The following CTNNA1 variants were observed in gnomAD, a reference collection of about 807,000 sequenced individuals.
CTNNA1 encodes the protein catenin alpha-1.
CTNNA1 carries 37 observed loss-of-function variants against 98.4 expected under a neutral mutation model. That is an observed-to-expected ratio of 0.38 (90% CI 0.29 to 0.49). The LOEUF (loss-of-function observed/expected upper bound fraction) is 0.49. CTNNA1 is among the 20% of genes least tolerant of loss of function. The pLI is 0.95. For synonymous variants in CTNNA1, 404 were observed against 413.2 expected (o/e 0.98, Z 0.27); for missense variants, 761 against 1,147.2 (o/e 0.66, Z 4.86).
chr5:138,886,095 T>G, intron 7 of CTNNA1, 117 bp from the exon 8 acceptor site: 1 of 1,155,298 alleles, frequency 8.7e-7, no homozygotes, highest in Non-Finnish European at 1.2e-6. Flanking sequence ...TTTTCCAACT[T>G]TGAGTTTAAG....
At chr5:138,832,942 C>T (rs1039524318) in intron 7 of CTNNA1, among the ~76,000 whole-genome samples, 15 of 152,164 alleles carry the variant, frequency 9.9e-5, no homozygotes, top group Non-Finnish European at 4.4e-5. Flanking sequence ...CAGCTGACTT[C>T]TTTATTTCAT....
chr5:138,812,416 C>T, intron 5 of CTNNA1, 114 bp downstream of exon 5: 2 of 1,122,716 alleles, frequency 1.8e-6, no homozygotes, highest in Admixed American at 2.9e-5. Flanking sequence ...AATATAGTTC[C>T]ATTAAAACAT....
chr5:138,773,513 A>G (rs1181147374), intron 1 of CTNNA1, among the ~76,000 whole-genome samples: 7 of 152,146 alleles, frequency 4.6e-5, no homozygotes, highest in African/African-American at 1.4e-4. Context: ...AACAAAAACA[A>G]GCTCCTTGGC....
intron 3 of CTNNA1, among the ~76,000 whole-genome samples, chr5:138,794,035 T>A (rs1202626593): frequency 1.7e-5 from 2 of 119,056 alleles, no homozygotes; most frequent in African/African-American, 3.1e-5. Flanking sequence ...TTTTTTTTTT[T>A]AAGACGGAGT....
chr5:138,877,690 A>G (rs916783545), intron 7 of CTNNA1, among the ~76,000 whole-genome samples: 1 of 151,040 alleles, frequency 6.6e-6, no homozygotes, highest in African/African-American at 2.4e-5. Flanking sequence ...CTCATGATCC[A>G]CCCGCCTCGG....
chr5:138,821,505 G>T (rs1197375325), intron 5 of CTNNA1, among the ~76,000 whole-genome samples: 1 of 152,098 alleles, frequency 6.6e-6, no homozygotes, highest in African/African-American at 2.4e-5. Context: ...AAATACTTTG[G>T]ACTGGTTGGA....
At chr5:138,777,811 C>T (rs1754525328) in intron 1 of CTNNA1, among the ~76,000 whole-genome samples, 2 of 148,842 alleles carry the variant, frequency 1.3e-5, no homozygotes, top group Admixed American at 6.7e-5. Flanking sequence ...GGCAGCAGTA[C>T]AGTCCAGCTT....
chr5:138,895,799 T>A (rs1206052129), intron 9 of CTNNA1, among the ~76,000 whole-genome samples: 4 of 152,180 alleles, frequency 2.6e-5, no homozygotes, highest in Non-Finnish European at 5.9e-5. Context: ...TTTATCAGAG[T>A]TTGAAATGAA....
At chr5:138,811,020 A>AC (rs1278276331) in intron 4 of CTNNA1, among the ~76,000 whole-genome samples, 4 of 138,918 alleles carry the variant, frequency 2.9e-5, no homozygotes, top group Non-Finnish European at 3.1e-5. Flanking sequence ...GCGGGGGCTG[A>AC]CCCCCACCTC....
intron 7 of CTNNA1, among the ~76,000 whole-genome samples, chr5:138,844,333 C>T (rs560734351): frequency 3.5e-4 from 53 of 152,026 alleles, no homozygotes; most frequent in Admixed American, 6.6e-4. Context: ...TTGTATAGTA[C>T]GAAACCTTTT....
intron 1 of CTNNA1, among the ~76,000 whole-genome samples, chr5:138,769,146 G>T (rs533621908): frequency 5.9e-5 from 9 of 151,972 alleles, no homozygotes; most frequent in South Asian, 2.1e-4. Context: ...TCCCGCCTTG[G>T]CCTCCAAAGT....
chr5:138,916,056 AAC>A (rs959048462), intron 10 of CTNNA1, among the ~76,000 whole-genome samples: 11 of 151,974 alleles, frequency 7.2e-5, no homozygotes, highest in African/African-American at 2.4e-4. Context: ...CTCAAAAAGA[AAC>A]ACACACACAC....
intron 11 of CTNNA1, among the ~76,000 whole-genome samples, chr5:138,920,093 CT>C (rs1762600017): frequency 6.6e-6 from 1 of 151,054 alleles, no homozygotes; most frequent in Non-Finnish European, 1.5e-5. Context: ...ATTCTCCTGC[CT>C]CAGCCTCCCG....
intron 1 of CTNNA1, among the ~76,000 whole-genome samples, chr5:138,762,332 T>C (rs2149581747): frequency 6.6e-6 from 1 of 152,310 alleles, no homozygotes; most frequent in Middle Eastern, 3.4e-3. Flanking sequence ...CCAGCGTGAC[T>C]TGCCTTGTCT....
intron 10 of CTNNA1, among the ~76,000 whole-genome samples, chr5:138,906,037 A>C (rs2150151556): frequency 6.6e-6 from 1 of 152,040 alleles, no homozygotes. Context: ...TCATGTAAAT[A>C]ATCCCTGACA....
At chr5:138,868,909 A>G (rs1297942583) in intron 7 of CTNNA1, 1 of 152,200 alleles carries the variant, frequency 6.6e-6, no homozygotes, top group African/African-American at 2.4e-5. Context: ...AAGGAAAAGT[A>G]AAAAGAAGGC....
intron 3 of CTNNA1, among the ~76,000 whole-genome samples, chr5:138,790,757 TATGG>T (rs1756263904): frequency 6.6e-6 from 1 of 152,198 alleles, no homozygotes; most frequent in Non-Finnish European, 1.5e-5. Context: ...AGGACAAGAT[TATGG>T]TAGTCTGGGA....
At chr5:138,798,994 TA>T (rs947404361) in intron 3 of CTNNA1, among the ~76,000 whole-genome samples, 16 of 151,984 alleles carry the variant, frequency 1.1e-4, no homozygotes, top group African/African-American at 2.4e-4. Context: ...TTTTTTTTAT[TA>T]AAAAAAATTT....
At chr5:138,907,557 C>T (rs1355717591) in intron 10 of CTNNA1, among the ~76,000 whole-genome samples, 2 of 152,106 alleles carry the variant, frequency 1.3e-5, no homozygotes, top group Admixed American at 6.5e-5. Flanking sequence ...GAGACCTCTG[C>T]CTCCTCTCTT....
Sources: gnomAD v4.1 joint callset for allele counts (sites outside exome capture counted in the v4.1 genomes callset) on GRCh38, gnomAD v4.1.1 for gene constraint, MANE v1.5 for transcripts, NCBI Gene and HGNC (gene_info 2026-07-23, HGNC 2026-07-21) for gene names.